RASSF6: variants seen among roughly 807,000 people sequenced by gnomAD.
RASSF6 encodes ras association domain-containing protein 6.
In RASSF6, 52 loss-of-function variants were observed where a neutral mutation model predicts 44.0. That is an observed-to-expected ratio of 1.18 (90% CI 0.95 to 1.49). The LOEUF is 1.49. RASSF6 is among the 40% of genes most tolerant of loss of function. The pLI is 0.00. For synonymous variants in RASSF6, 162 were observed against 124.6 expected (o/e 1.30, Z -2.00); for missense variants, 464 against 393.3 (o/e 1.18, Z -1.52).
chr4:73,577,980 A>G (rs541144627), intron 8 of RASSF6, among the ~76,000 whole-genome samples: 17 of 152,248 alleles, frequency 1.1e-4, no homozygotes, highest in African/African-American at 4.1e-4. Flanking sequence ...AAACCCACCT[A>G]TCTCTGTTTT....
intron 6 of RASSF6, 101 bp from the exon 7 acceptor site, chr4:73,582,391 T>A (rs1560440910): frequency 4.0e-6 from 2 of 498,006 alleles, no homozygotes; most frequent in Non-Finnish European, 6.9e-6. Context: ...AAATCCAAGG[T>A]CATTAATTTA....
Position 73,590,313 on chromosome 4 carries a change from G to A in RASSF6, c.288-2379C>T, listed in dbSNP as rs576007876. Among the ~76,000 whole-genome samples, 11 of 152,266 alleles carry A rather than the reference G, an allele frequency of 7.2e-5. No individual in the cohort carries two copies. In the East Asian group the frequency reaches 2.1e-3, roughly 29 times the overall value. ...GATTCCGTCAAAGAGAGAACTGAAA[G>A]ACACAAGATTATAGCCCTTCCTGCA... On this transcript the variant is annotated intron_variant, in intron 4 of 10. Transcript: ENST00000307439.
chr4:73,585,161 G>T lies in RASSF6; in HGVS notation c.567+19C>A. ...GAACCTTATTTTATATTACATTAAT[G>T]GAATTGTAACTCACTTACTTCATGG... On this transcript the variant is annotated intron_variant, in intron 6 of 10. Transcript: ENST00000307439. The T allele has an allele frequency of 6.5e-7, 1 of 1,536,040 alleles. No individual in the cohort carries two copies. Among genetic ancestry groups the T allele is most frequent in the Non-Finnish European group, 8.8e-7 (1 of 1,132,826 alleles).
At chr4:73,592,234 A>G (rs1724611751) in intron 4 of RASSF6, among the ~76,000 whole-genome samples, 2 of 152,244 alleles carry the variant, frequency 1.3e-5, no homozygotes, top group Non-Finnish European at 2.9e-5. Flanking sequence ...GTCGGGCTTA[A>G]ATATTTTTTC....
chr4:73,601,084 G>A (rs1406118563), intron 2 of RASSF6, among the ~76,000 whole-genome samples: 6 of 152,202 alleles, frequency 3.9e-5, no homozygotes, highest in African/African-American at 1.2e-4. Context: ...CTCAGCTTCT[G>A]CTTCTGATAA....
intron 2 of RASSF6, among the ~76,000 whole-genome samples, chr4:73,610,840 T>C (rs770532763): frequency 3.3e-5 from 5 of 152,230 alleles, no homozygotes; most frequent in Non-Finnish European, 7.3e-5. Context: ...AGGGTTTTGT[T>C]TGGTTCATTA....
intron 1 of RASSF6, among the ~76,000 whole-genome samples, chr4:73,616,153 G>T (rs1726340384): frequency 6.6e-6 from 1 of 152,056 alleles, no homozygotes; most frequent in Non-Finnish European, 1.5e-5. Flanking sequence ...TATTTCTGAG[G>T]CCACAAGGTG....
At chr4:73,614,232 A>T (rs942048020) in intron 1 of RASSF6, among the ~76,000 whole-genome samples, 2 of 152,312 alleles carry the variant, frequency 1.3e-5, no homozygotes, top group South Asian at 4.1e-4. Context: ...AGCCACCATC[A>T]TCTTTTTCCT....
At position 73,582,231 on chromosome 4, in the gene RASSF6, C is replaced by G. The variant is rs780928803; in HGVS notation, c.627G>C (p.Met209Ile). 1.3e-6 allele frequency: 2 copies of G among 1,597,388 alleles called. No homozygotes were observed. The highest frequency in any genetic ancestry group is 1.7e-5 in the Admixed American group (1 of 59,120). The change falls in exon 7 of 11, where the codon ATG becomes ATC. Residue 209 changes from methionine to isoleucine, a missense_variant. Coordinates refer to ENST00000307439, the MANE Select transcript of RASSF6 (RefSeq NM_177532.5). Reference protein sequence around the residue: ...SETKVRVNSNMRTEEVIKQLL... With the variant: ...SETKVRVNSNIRTEEVIKQLL... ...GTTGCTTTATTACTTCTTCAGTTCT[C>G]ATGTTACTGTTTACTCTGACCTTAG...
rs553458451 is a variant in RASSF6, at chr4:73,581,391, C to T, written c.721+426G>A. Among the ~76,000 whole-genome samples, 18 of 152,178 alleles carry T rather than the reference C, an allele frequency of 1.2e-4. No individual in the cohort carries two copies. In the South Asian group the frequency reaches 3.3e-3, roughly 28 times the overall value. ...TCTACTGAGGAAGAGATAGCACTCC[C>T]GCAATGTGTCAGACCCTGTGCTAAA... On this transcript the variant is annotated intron_variant, in intron 8 of 10. Transcript: ENST00000307439.
At chr4:73,607,094 A>C (rs1725692610) in intron 2 of RASSF6, among the ~76,000 whole-genome samples, 1 of 152,236 alleles carries the variant, frequency 6.6e-6, no homozygotes, top group African/African-American at 2.4e-5. Flanking sequence ...AAAAATAATA[A>C]GCAAACTCCT....
intron 8 of RASSF6, among the ~76,000 whole-genome samples, chr4:73,578,433 C>T: frequency 6.6e-6 from 1 of 152,004 alleles, no homozygotes; most frequent in South Asian, 2.1e-4. Context: ...AAAAAAATTC[C>T]CTTCCCCAAA....
Position 73,605,900 on chromosome 4 carries a change from C to A in RASSF6, c.65+5831G>T, listed in dbSNP as rs138257269. On this transcript the variant is annotated intron_variant, in intron 2 of 10. Coordinates refer to ENST00000307439, the MANE Select transcript of RASSF6 (RefSeq NM_177532.5). The stretch of plus-strand genomic sequence containing the variant: ...ATGAGCATTTTTTCATGTTTGTTGG[C>A]TGCTTGTATGTCTTCTTTTGAGAAG... Among the ~76,000 whole-genome samples, 368 of 152,198 alleles carry A rather than the reference C, an allele frequency of 2.4e-3. 1 individual carries two copies. The highest frequency in any genetic ancestry group is 8.5e-3 in the African/African-American group (355 of 41,530).
chr4:73,583,261 TAGTA>T (rs1206964485), intron 6 of RASSF6, among the ~76,000 whole-genome samples: 1 of 152,146 alleles, frequency 6.6e-6, no homozygotes, highest in African/African-American at 2.4e-5. Context: ...TAAAATAAGA[TAGTA>T]AGACTAATCT....
At chr4:73,611,610 C>A (rs1726016381) in intron 2 of RASSF6, 121 bp downstream of exon 2, 4 of 553,596 alleles carry the variant, frequency 7.2e-6, no homozygotes, top group South Asian at 3.3e-5. Flanking sequence ...TATCTAGTAT[C>A]TCTACTGATG....
chr4:73,590,431 G>T (rs1182727170), intron 4 of RASSF6, among the ~76,000 whole-genome samples: 2 of 152,142 alleles, frequency 1.3e-5, no homozygotes, highest in African/African-American at 4.8e-5. Flanking sequence ...TTTGCCTAGA[G>T]GTGCCCACTA....
At position 73,571,679 on chromosome 4, in the gene RASSF6, A is replaced by G. The variant is rs1448009298; in HGVS notation, c.*4556T>C. ...CACTCATTCATTTATTCTTTCATTC[A>G]CTTATTTATTCAATCAATTTTTATT... On this transcript the variant is annotated 3_prime_UTR_variant, in exon 11 of 11. Transcript: ENST00000307439. 2 of 152,036 alleles carry G rather than the reference A, an allele frequency of 1.3e-5. No homozygotes were observed. Among genetic ancestry groups the G allele is most frequent in the African/African-American group, 4.8e-5 (2 of 41,424 alleles). 9.4% of individuals were successfully genotyped at this position (152,036 alleles called of 1,614,324 possible).
chr4:73,615,871 G>T (rs752874328), intron 1 of RASSF6: 1 of 1,548,320 alleles, frequency 6.5e-7, no homozygotes, highest in Non-Finnish European at 8.7e-7. Flanking sequence ...CTGCCTAGAG[G>T]TGGGCTTGCC....
At chr4:73,600,613 C>G (rs968049065) in intron 2 of RASSF6, among the ~76,000 whole-genome samples, 2 of 152,150 alleles carry the variant, frequency 1.3e-5, no homozygotes, top group South Asian at 4.1e-4. Flanking sequence ...TTTATATATA[C>G]TGACTGTTAC....
Sources: gnomAD v4.1 joint callset for allele counts (sites outside exome capture counted in the v4.1 genomes callset) on GRCh38, gnomAD v4.1.1 for gene constraint, MANE v1.5 for transcripts, NCBI Gene and HGNC (gene_info 2026-07-23, HGNC 2026-07-21) for gene names.